Variants in CACNA2D3 observed in about 807,000 individuals in gnomAD.
CACNA2D3 encodes voltage-dependent calcium channel subunit alpha-2/delta-3.
Under a neutral mutation model 160.6 loss-of-function variants are expected in CACNA2D3, and 60 were observed. That is an observed-to-expected ratio of 0.37 (90% confidence interval 0.30 to 0.46). The LOEUF (loss-of-function observed/expected upper bound fraction) is 0.46, where lower values mean the gene tolerates loss of function less well. Among genes scored for constraint, CACNA2D3 ranks in the 20% least tolerant of loss-of-function variants. CACNA2D3 has a pLI of 1.00. For missense variants in CACNA2D3, 1,205 were observed against 1,365.0 expected (o/e 0.88, Z 1.85); for synonymous variants, 558 against 492.9 (o/e 1.13, Z -1.75).
chr3:54,557,937 AG>A, intron 5 of CACNA2D3, among the ~76,000 whole-genome samples: 1 of 152,304 alleles, frequency 6.6e-6, no homozygotes, highest in African/African-American at 2.4e-5. Flanking sequence ...TGAAGGAATA[AG>A]GCAGGGCAGA....
intron 9 of CACNA2D3, among the ~76,000 whole-genome samples, chr3:54,610,616 T>C (rs1698733055): frequency 6.6e-6 from 1 of 151,408 alleles, no homozygotes; most frequent in Non-Finnish European, 1.5e-5. Flanking sequence ...TTGGATCTTT[T>C]CTTCTTTCCT....
At chr3:54,918,900 A>G (rs1244641421) in intron 27 of CACNA2D3, 1 of 1,516,264 alleles carries the variant, frequency 6.6e-7, no homozygotes, top group Admixed American at 2.2e-5. Flanking sequence ...CCCCTTTAAA[A>G]AACAAAAGCA....
At chr3:55,059,981 T>C (rs1387044058) in intron 35 of CACNA2D3, among the ~76,000 whole-genome samples, 1 of 152,056 alleles carries the variant, frequency 6.6e-6, no homozygotes, top group Non-Finnish European at 1.5e-5. Context: ...GGGGTTTATA[T>C]GGGTACAGGA....
intron 2 of CACNA2D3, among the ~76,000 whole-genome samples, chr3:54,282,088 T>C (rs1702894874): frequency 6.6e-6 from 1 of 152,208 alleles, no homozygotes. Flanking sequence ...TCACATAATT[T>C]GTAAAAGGCA....
chr3:54,229,659 C>A (rs1174477154), intron 2 of CACNA2D3, among the ~76,000 whole-genome samples: 1 of 152,044 alleles, frequency 6.6e-6, no homozygotes, highest in African/African-American at 2.4e-5. Flanking sequence ...AGTTAAGAAA[C>A]CTTCATGGAA....
At chr3:54,141,743 G>A (rs1232272056) in intron 2 of CACNA2D3, among the ~76,000 whole-genome samples, 5 of 152,148 alleles carry the variant, frequency 3.3e-5, no homozygotes, top group African/African-American at 1.2e-4. Context: ...GAACTGGAGA[G>A]CATCTCCAGA....
At chr3:54,699,494 TCTC>T (rs1203933691) in intron 11 of CACNA2D3, among the ~76,000 whole-genome samples, 6 of 152,198 alleles carry the variant, frequency 3.9e-5, no homozygotes, top group African/African-American at 1.4e-4. Context: ...TCTTGCCCCT[TCTC>T]CTCTTCCCTG....
At chr3:54,235,047 G>A (rs1202913146) in intron 2 of CACNA2D3, among the ~76,000 whole-genome samples, 1 of 152,086 alleles carries the variant, frequency 6.6e-6, no homozygotes, top group African/African-American at 2.4e-5. Context: ...CCAGATCTTG[G>A]TTTCTAATAC....
At chr3:54,336,458 G>A (rs1357877273) in intron 3 of CACNA2D3, among the ~76,000 whole-genome samples, 1 of 152,198 alleles carries the variant, frequency 6.6e-6, no homozygotes, top group Non-Finnish European at 1.5e-5. Flanking sequence ...GCAGGATGGT[G>A]TCCAGTGTGA....
chr3:55,002,563 G>A (rs552801722), intron 31 of CACNA2D3, among the ~76,000 whole-genome samples: 24 of 152,316 alleles, frequency 1.6e-4, no homozygotes, highest in African/African-American at 5.3e-4. Context: ...AAGTTTGTGC[G>A]GGGACATCCC....
At chr3:54,812,443 G>C (rs1703342487) in intron 13 of CACNA2D3, among the ~76,000 whole-genome samples, 1 of 152,114 alleles carries the variant, frequency 6.6e-6, no homozygotes, top group South Asian at 2.1e-4. Context: ...AGTGGAGAGG[G>C]GTCTTAGGAA....
At chr3:54,852,216 C>G (rs13088500) in intron 17 of CACNA2D3, among the ~76,000 whole-genome samples, 5,842 of 152,260 alleles carry the variant, frequency 0.038, 176 homozygotes, top group Middle Eastern at 0.15. Flanking sequence ...TTCAAGGGGC[C>G]TTGACTTGAT....
chr3:54,879,011 AT>A lies in CACNA2D3; in HGVS notation c.1711-3del. The A allele has an allele frequency of 6.3e-7, 1 of 1,581,182 alleles. No individual in the cohort carries two copies. The highest frequency in any genetic ancestry group is 1.8e-5 in the Admixed American group (1 of 54,150). ...AGAACTAACACACTTTTCTTTTATC[AT>A]TTTAGTTGAGAAATGCTATGGTGAA... is the stretch of plus-strand genomic sequence containing the variant. On this transcript the variant is annotated splice_polypyrimidine_tract_variant and splice_region_variant and intron_variant, in intron 18 of 37. Transcript: ENST00000474759.
intron 11 of CACNA2D3, among the ~76,000 whole-genome samples, chr3:54,705,872 C>G (rs1174896700): frequency 7.0e-6 from 1 of 143,426 alleles, no homozygotes; most frequent in Non-Finnish European, 1.6e-5. Flanking sequence ...TGGTCTGAGA[C>G]AAGCACTTCA....
chr3:54,684,238 C>T (rs72870697), intron 11 of CACNA2D3, among the ~76,000 whole-genome samples: 59,555 of 151,766 alleles, frequency 0.39, 11,918 homozygotes, highest in Non-Finnish European at 0.43. Flanking sequence ...GGGATTACAG[C>T]TGTAAGCCAC....
chr3:54,815,192 G>A (rs936221735), intron 13 of CACNA2D3, among the ~76,000 whole-genome samples: 3 of 152,134 alleles, frequency 2.0e-5, no homozygotes, highest in African/African-American at 4.8e-5. Flanking sequence ...CCAGCCATAA[G>A]TAGGAGGAAC....
intron 31 of CACNA2D3, among the ~76,000 whole-genome samples, chr3:54,993,929 G>A (rs1702799236): frequency 6.8e-6 from 1 of 147,064 alleles, no homozygotes; most frequent in African/African-American, 2.5e-5. Context: ...TGTTTTGTGT[G>A]TGTGTGTGGT....
intron 2 of CACNA2D3, among the ~76,000 whole-genome samples, chr3:54,215,024 G>C (rs1188929599): frequency 6.6e-6 from 1 of 152,168 alleles, no homozygotes; most frequent in East Asian, 1.9e-4. Flanking sequence ...AGTCAGCTGA[G>C]ATGTGGCTGT....
chr3:54,989,986 A>G (rs182900739), intron 31 of CACNA2D3, among the ~76,000 whole-genome samples: 4 of 152,294 alleles, frequency 2.6e-5, no homozygotes, highest in Admixed American at 2.0e-4. Flanking sequence ...GAGAAGATCT[A>G]TAGTTCAGAA....
Sources: allele counts gnomAD v4.1 joint callset (sites outside exome capture counted in the v4.1 genomes callset), GRCh38; gene constraint gnomAD v4.1.1; transcripts MANE v1.5; gene names NCBI Gene and HGNC (gene_info 2026-07-23, HGNC 2026-07-21).